Variants in SPTSSB observed in about 807,000 individuals in gnomAD.
SPTSSB encodes serine palmitoyltransferase small subunit B.
SPTSSB carries 6 observed loss-of-function variants against 7.7 expected under a neutral mutation model. That is an observed-to-expected ratio of 0.78 (90% CI 0.43 to 1.54). The LOEUF (loss-of-function observed/expected upper bound fraction) is 1.54, where lower values mean the gene tolerates loss of function less well. Among genes scored for constraint, SPTSSB ranks in the 40% most tolerant of loss-of-function variants. SPTSSB has a pLI of 0.01. For missense variants in SPTSSB, 91 were observed against 93.0 expected (o/e 0.98, Z 0.09); for synonymous variants, 28 against 29.7 (o/e 0.94, Z 0.19).
intron 2 of SPTSSB, chr3:161,359,347 C>A (rs1454418519): frequency 1.3e-5 from 2 of 152,154 alleles, no homozygotes; most frequent in African/African-American, 4.8e-5. Flanking sequence ...AGATGCTGCT[C>A]CATTTAAATA....
chr3:161,357,500 C>T (rs574074114), intron 2 of SPTSSB, among the ~76,000 whole-genome samples: 138 of 152,106 alleles, frequency 9.1e-4, no homozygotes, highest in Non-Finnish European at 1.4e-3. Context: ...GTTGTCAGGG[C>T]GAAGGCCAGA....
intron 1 of SPTSSB, 144 bp downstream of exon 1, chr3:161,371,291 A>G (rs1202981864): frequency 1.8e-6 from 1 of 558,742 alleles, no homozygotes; most frequent in African/African-American, 2.0e-5. Context: ...AAATCCATCA[A>G]TTCTGAAAAT....
chr3:161,364,102 G>A, intron 1 of SPTSSB, among the ~76,000 whole-genome samples: 1 of 135,912 alleles, frequency 7.4e-6, no homozygotes, highest in African/African-American at 2.7e-5. Context: ...CCTGTGGCAG[G>A]TTTAAATCTA....
intron 1 of SPTSSB, among the ~76,000 whole-genome samples, chr3:161,363,769 A>T (rs1576901724): frequency 6.6e-6 from 1 of 152,128 alleles, no homozygotes; most frequent in East Asian, 1.9e-4. Context: ...ATATCTTTAC[A>T]CAGTTTTCTA....
At chr3:161,347,322 A>G (rs1254376316) in intron 2 of SPTSSB, among the ~76,000 whole-genome samples, 1 of 152,032 alleles carries the variant, frequency 6.6e-6, no homozygotes, top group Admixed American at 6.6e-5. Context: ...TAGTGGCACA[A>G]TCTTCGCTCA....
Position 161,355,893 on chromosome 3 carries a change from A to G in SPTSSB, c.-33+3909T>C, listed in dbSNP as rs551729729. On this transcript the variant is annotated intron_variant, in intron 2 of 2. Coordinates refer to ENST00000620149, the MANE Select transcript of SPTSSB (RefSeq NM_001040100.2). The stretch of plus-strand genomic sequence containing the variant: ...TGAATAACCCTAAAAATTATGAAGG[A>G]CTGAAATTTTAAAATAAACTTTAAA... Among the ~76,000 whole-genome samples, 7 of 152,344 alleles carry G rather than the reference A, an allele frequency of 4.6e-5. No individual in the cohort carries two copies. In the South Asian group the frequency reaches 1.5e-3, roughly 32 times the overall value.
At position 161,346,249 on chromosome 3, in the gene SPTSSB, A is replaced by G. The variant is rs1714223573; in HGVS notation, c.75T>C (p.Val25=). The G allele has an allele frequency of 1.2e-6, 2 of 1,614,046 alleles. No individual in the cohort carries two copies. Among genetic ancestry groups the G allele is most frequent in the Non-Finnish European group, 1.7e-6 (2 of 1,179,904 alleles). ...ACATAGATCGCTCCCAGGGCTCTAA[A>G]ACAGCACAGCAGCTAATGATTTGGT... ...YQYQIISCCA[V]LEPWERSMFN... is the part of the protein sequence containing the mutation. The change falls in exon 3 of 3, where the codon GTT becomes GTC. Residue 25 remains valine (V), a synonymous_variant. Transcript: ENST00000620149.
intron 1 of SPTSSB, among the ~76,000 whole-genome samples, chr3:161,365,498 T>C (rs949009627): frequency 6.6e-6 from 1 of 152,226 alleles, no homozygotes; most frequent in Non-Finnish European, 1.5e-5. Flanking sequence ...CTTATTCCTG[T>C]GTTCTCAGAC....
intron 1 of SPTSSB, among the ~76,000 whole-genome samples, chr3:161,361,562 A>T (rs1246404256): frequency 6.6e-6 from 1 of 152,200 alleles, no homozygotes; most frequent in East Asian, 1.9e-4. Context: ...CTCTTTGAAC[A>T]TTAGTTATGC....
intron 2 of SPTSSB, among the ~76,000 whole-genome samples, chr3:161,349,985 A>G (rs1714450451): frequency 6.6e-6 from 1 of 152,212 alleles, no homozygotes; most frequent in Non-Finnish European, 1.5e-5. Flanking sequence ...CTTATGACTC[A>G]TTACACAGGG....
chr3:161,362,210 T>G (rs1470640376), intron 1 of SPTSSB, among the ~76,000 whole-genome samples: 4 of 152,074 alleles, frequency 2.6e-5, no homozygotes, highest in Non-Finnish European at 5.9e-5. Context: ...TAAATCAATT[T>G]TACTTAAAAT....
At chr3:161,369,286 T>TTTTCTTTCTTTCTTTCTTTCTTTC (rs149388545) in intron 1 of SPTSSB, among the ~76,000 whole-genome samples, 6 of 110,396 alleles carry the variant, frequency 5.4e-5, no homozygotes, top group African/African-American at 2.2e-4. Flanking sequence ...TCTTTCTTTC[T>TTTTCTTTCTTTCTTTCTTTCTTTC]TTTCTTTCTT....
intron 1 of SPTSSB, among the ~76,000 whole-genome samples, chr3:161,366,286 G>T (rs750046726): frequency 3.3e-5 from 5 of 152,184 alleles, no homozygotes; most frequent in Non-Finnish European, 5.9e-5. Context: ...AGCAATTTTT[G>T]TTATTATAAT....
At position 161,364,863 on chromosome 3, in the gene SPTSSB, A is replaced by G. The variant is rs142527945; in HGVS notation, c.-125-4969T>C. Among the ~76,000 whole-genome samples, 576 of 151,996 alleles carry G rather than the reference A, an allele frequency of 3.8e-3. 4 individuals are homozygous for G. The highest frequency in any genetic ancestry group is 0.013 in the African/African-American group (546 of 41,456). ...CCAGAAAAGTTGCTTTGGGCATGAC[A>G]TCTTGCGCTTTTTTCCTTCTTTCTT... On this transcript the variant is annotated intron_variant, in intron 1 of 2. Transcript: ENST00000620149.
In SPTSSB at chr3:161,345,965, A is replaced by AT; in HGVS notation, c.*127dup. ...CAAACTCCAGGCAGAAAGGCAGAATATAAGAGTGCATAGAGAAGAGAGTGC... is the reference window on the plus strand; with the variant it reads ...CAAACTCCAGGCAGAAAGGCAGAATATTAAGAGTGCATAGAGAAGAGAGTGC... On this transcript the variant is annotated 3_prime_UTR_variant, in exon 3 of 3. Coordinates refer to ENST00000620149, the MANE Select transcript of SPTSSB (RefSeq NM_001040100.2). The AT allele has an allele frequency of 1.6e-6, 1 of 616,538 alleles. No individual in the cohort carries two copies. The highest frequency in any genetic ancestry group is 2.8e-5 in the East Asian group (1 of 36,296). The allele number at this position is 616,538 out of a possible 1,614,324, so 38.2% of individuals were successfully genotyped here. A position where few individuals can be genotyped will look rare whatever the true frequency, so the allele number is the denominator to read the frequency against.
At position 161,346,280 on chromosome 3, in the gene SPTSSB, T is replaced by C. The variant is rs1714226190; in HGVS notation, c.44A>G (p.Tyr15Cys). 2.5e-6 allele frequency: 4 copies of C among 1,613,808 alleles called. No individual in the cohort carries two copies. The Admixed American group carries it at 6.7e-5, about 27-fold the overall frequency. Residue 15 changes from tyrosine to cysteine, a missense_variant, in exon 3 of 3, where the codon TAT (tyrosine) becomes TGT (cysteine). Physicochemically the swap from Tyr to Cys is radical, Grantham distance 194. Transcript: ENST00000620149. ...ACAGCAGCTAATGATTTGGTATTGA[T>C]AGTAGAGCCAGGAGAAATATTCCTT... is the stretch of plus-strand genomic sequence containing the variant. Reference protein sequence around the residue: ...RVKEYFSWLYYQYQIISCCAV... With the variant: ...RVKEYFSWLYCQYQIISCCAV...
intron 1 of SPTSSB, among the ~76,000 whole-genome samples, chr3:161,361,119 G>T (rs189767099): frequency 6.6e-6 from 1 of 152,134 alleles, no homozygotes; most frequent in African/African-American, 2.4e-5. Flanking sequence ...AGAAGATTTG[G>T]GGGGAGGAAT....
At chr3:161,368,689 G>A (rs1364270463) in intron 1 of SPTSSB, among the ~76,000 whole-genome samples, 10 of 152,136 alleles carry the variant, frequency 6.6e-5, no homozygotes, top group Non-Finnish European at 1.5e-4. Context: ...GCCTCCCAAA[G>A]TGCTGGGATT....
At chr3:161,369,367 TC>T (rs1311561958) in intron 1 of SPTSSB, among the ~76,000 whole-genome samples, 1 of 127,232 alleles carries the variant, frequency 7.9e-6, no homozygotes, top group Non-Finnish European at 1.7e-5. Context: ...TCTTTCTCTC[TC>T]TGTCTCTCTT....
Sources: allele counts gnomAD v4.1 joint callset (sites outside exome capture counted in the v4.1 genomes callset), GRCh38; gene constraint gnomAD v4.1.1; transcripts MANE v1.5; gene names NCBI Gene and HGNC (gene_info 2026-07-23, HGNC 2026-07-21).